SLC35F4: variants seen among roughly 807,000 people sequenced by gnomAD.
The protein encoded by SLC35F4 is chromosome 14 open reading frame 36.
A neutral mutation model predicts 44.2 loss-of-function variants in SLC35F4; 24 were observed. The ratio of observed to expected loss-of-function variants is 0.54; its 90% CI spans 0.39 to 0.76. The LOEUF (loss-of-function observed/expected upper bound fraction) is 0.76, where lower values mean the gene tolerates loss of function less well. Among genes scored for constraint, SLC35F4 ranks in the 30% least tolerant of loss-of-function variants. The pLI is 0.00. For synonymous variants in SLC35F4, 238 were observed against 223.6 expected, an observed-to-expected ratio of 1.06 and a Z score of -0.57; for missense variants, 562 against 586.1, an observed-to-expected ratio of 0.96 and a Z score of 0.42.
intron 1 of SLC35F4, among the ~76,000 whole-genome samples, chr14:57,634,658 A>G (rs1366509303): frequency 6.6e-6 from 1 of 152,090 alleles, no homozygotes; most frequent in African/African-American, 2.4e-5. Flanking sequence ...CCATGGGATG[A>G]GATTTGGATT....
intron 1 of SLC35F4, among the ~76,000 whole-genome samples, chr14:57,882,772 G>A (rs879819285): frequency 1.3e-5 from 2 of 152,114 alleles, no homozygotes; most frequent in South Asian, 2.1e-4. Flanking sequence ...ATGATTTTAA[G>A]AATGTGACAG....
In SLC35F4 at chr14:57,761,883, C is replaced by G. The variant is rs150505829; in HGVS notation, c.103+103840G>C. 2.4e-3 allele frequency among the ~76,000 whole-genome samples: 372 copies of G among 152,068 alleles called. 1 individual carries two copies. The highest frequency in any genetic ancestry group is 8.4e-3 in the African/African-American group (348 of 41,456). ...TGGTTGTAAGCAACAGAAACCTTCT[C>G]ATGTTACTTAAAAAAAAAGATGGAA... is the stretch of plus-strand genomic sequence containing the variant. On this transcript the variant is annotated intron_variant, in intron 1 of 7. Coordinates refer to ENST00000556826, the MANE Select transcript of SLC35F4 (RefSeq NM_001306087.2).
intron 1 of SLC35F4, among the ~76,000 whole-genome samples, chr14:57,707,193 G>A (rs2075698556): frequency 6.6e-6 from 1 of 152,202 alleles, no homozygotes; most frequent in Admixed American, 6.5e-5. Flanking sequence ...TGATGAAGAT[G>A]TTACTTCCTG....
At chr14:57,629,044 T>G (rs2072629899) in intron 1 of SLC35F4, among the ~76,000 whole-genome samples, 1 of 152,132 alleles carries the variant, frequency 6.6e-6, no homozygotes, top group South Asian at 2.1e-4. Context: ...TACAGGTGAT[T>G]TTTGTTCAGA....
intron 1 of SLC35F4, among the ~76,000 whole-genome samples, chr14:57,843,116 T>C (rs1470401436): frequency 6.6e-6 from 1 of 152,178 alleles, no homozygotes; most frequent in Non-Finnish European, 1.5e-5. Flanking sequence ...CTTTTGAGGT[T>C]TGGGGACTCA....
chr14:57,791,066 A>G (rs933318776), intron 1 of SLC35F4, among the ~76,000 whole-genome samples: 2 of 152,252 alleles, frequency 1.3e-5, no homozygotes, highest in Admixed American at 1.3e-4. Context: ...TTCAGGACAT[A>G]GTCATGGGCA....
chr14:57,792,611 A>C (rs975024404), intron 1 of SLC35F4, among the ~76,000 whole-genome samples: 1 of 151,914 alleles, frequency 6.6e-6, no homozygotes, highest in Non-Finnish European at 1.5e-5. Flanking sequence ...AAAGGAATGA[A>C]ATAATGGCAT....
chr14:57,779,627 C>A (rs576952526), intron 1 of SLC35F4, among the ~76,000 whole-genome samples: 2 of 152,066 alleles, frequency 1.3e-5, no homozygotes, highest in South Asian at 4.1e-4. Context: ...AGAGATACAA[C>A]AAAAAAATGA....
chr14:57,707,974 C>A (rs1230598673), intron 1 of SLC35F4, among the ~76,000 whole-genome samples: 3 of 152,174 alleles, frequency 2.0e-5, no homozygotes, highest in Non-Finnish European at 2.9e-5. Context: ...CCCAAAAATA[C>A]CCCCTTATTT....
intron 1 of SLC35F4, among the ~76,000 whole-genome samples, chr14:57,770,949 A>C (rs533829126): frequency 6.6e-6 from 1 of 152,274 alleles, no homozygotes; most frequent in East Asian, 1.9e-4. Flanking sequence ...AATATGAAAA[A>C]CTGAGGCACT....
At chr14:57,917,310 C>T (rs932341416) in intron 1 of SLC35F4, among the ~76,000 whole-genome samples, 2 of 152,180 alleles carry the variant, frequency 1.3e-5, no homozygotes, top group Non-Finnish European at 2.9e-5. Context: ...CTGCCCACCT[C>T]GGCCTCCCAA....
intron 1 of SLC35F4, among the ~76,000 whole-genome samples, chr14:57,764,514 T>G (rs370912524): frequency 1.5e-4 from 23 of 152,248 alleles, no homozygotes; most frequent in African/African-American, 4.6e-4. Flanking sequence ...GTCTTTCAAG[T>G]GGTTCCCAGC....
chr14:57,967,452 T>A (rs910934046), intron 1 of SLC35F4, among the ~76,000 whole-genome samples: 2 of 152,200 alleles, frequency 1.3e-5, no homozygotes, highest in African/African-American at 2.4e-5. Flanking sequence ...GTTTGGAGCA[T>A]TTTTAACATA....
intron 1 of SLC35F4, among the ~76,000 whole-genome samples, chr14:57,617,083 G>A (rs1333339523): frequency 1.3e-5 from 2 of 149,656 alleles, no homozygotes; most frequent in Non-Finnish European, 3.0e-5. Flanking sequence ...CCCATTCATA[G>A]GGAAACCCCA....
chr14:57,656,187 T>G (rs2140219155), intron 1 of SLC35F4, among the ~76,000 whole-genome samples: 1 of 152,048 alleles, frequency 6.6e-6, no homozygotes, highest in Non-Finnish European at 1.5e-5. Context: ...ATTAACCACA[T>G]GAGGCTACTG....
intron 1 of SLC35F4, among the ~76,000 whole-genome samples, chr14:57,944,043 C>A (rs1352908788): frequency 6.6e-6 from 1 of 152,102 alleles, no homozygotes; most frequent in African/African-American, 2.4e-5. Flanking sequence ...TCAACCCCCT[C>A]CCCAAATGAA....
At position 57,638,425 on chromosome 14, in the gene SLC35F4, G is replaced by A. The variant is rs576644432; in HGVS notation, c.104-44301C>T. ...TAACATGTATGTTTGTTCAGCACAC[G>A]TGTTAGGGGCCCCTTCGTGAATATT... On this transcript the variant is annotated intron_variant, in intron 1 of 7. Transcript: ENST00000556826. Among the ~76,000 whole-genome samples the A allele has an allele frequency of 8.5e-5, 13 of 152,194 alleles. No homozygotes were observed. In the East Asian group the frequency reaches 9.7e-4, roughly 11 times the overall value.
Position 57,941,533 on chromosome 14 carries a change from G to A in SLC35F4, n.282+40380C>T, listed in dbSNP as rs141278005. ...GATTAGAGGTTGTTTAGGGCTGAGG[G>A]AAGGAAAGGATGGAGAGTAAATGCT... On this transcript the variant is annotated intron_variant and non_coding_transcript_variant, in intron 1 of 1. Transcript: ENST00000556568. 4.0e-3 allele frequency among the ~76,000 whole-genome samples: 602 copies of A among 152,276 alleles called. 3 individuals carry two copies. Among genetic ancestry groups the A allele is most frequent in the African/African-American group, 0.014 (573 of 41,558 alleles).
intron 1 of SLC35F4, among the ~76,000 whole-genome samples, chr14:57,805,842 G>A (rs1407587319): frequency 6.6e-6 from 1 of 152,138 alleles, no homozygotes; most frequent in Non-Finnish European, 1.5e-5. Flanking sequence ...ATGCTATAAT[G>A]TTAAATGAAA....
Sources: gnomAD v4.1 joint callset for allele counts (sites outside exome capture counted in the v4.1 genomes callset) on GRCh38, gnomAD v4.1.1 for gene constraint, MANE v1.5 for transcripts, NCBI Gene and HGNC (gene_info 2026-07-23, HGNC 2026-07-21) for gene names.